The following SPDYE1 variants were observed in gnomAD, a reference collection of about 807,000 sequenced individuals.
SPDYE1 encodes the protein speedy protein E1.
A neutral mutation model predicts 45.9 loss-of-function variants in SPDYE1; 29 were observed. That is an observed-to-expected ratio of 0.63 (90% CI 0.47 to 0.86). The LOEUF is 0.86. SPDYE1 is among the 40% of genes least tolerant of loss of function. SPDYE1 has a pLI of 0.00. For synonymous variants in SPDYE1, 134 were observed against 176.8 expected, an observed-to-expected ratio of 0.76 and a Z score of 1.92; for missense variants, 346 against 481.4, an observed-to-expected ratio of 0.72 and a Z score of 2.63.
intron 5 of SPDYE1, 159 bp downstream of exon 5, chr7:44,004,070 C>T: frequency 7.8e-7 from 1 of 1,274,592 alleles, no homozygotes; most frequent in African/African-American, 1.6e-5. Flanking sequence ...GAGTCTTGCT[C>T]TGTTGCCCAG....
At chr7:44,001,718 G>A (rs2096063389) in intron 3 of SPDYE1, among the ~76,000 whole-genome samples, 1 of 152,176 alleles carries the variant, frequency 6.6e-6, no homozygotes, top group Non-Finnish European at 1.5e-5. Context: ...GGGAGGCTGA[G>A]ATGGGTGGAT....
At position 44,007,329 on chromosome 7, in the gene SPDYE1, C is replaced by G; in HGVS notation, c.814C>G (p.Leu272Val). Residue 272 changes from leucine (L) to valine (V), a missense_variant, in exon 7 of 9, where the codon CTG (leucine) becomes GTG (valine). Leu to Val is a conservative substitution (Grantham distance 32). Transcript: ENST00000693451. ...EDSKQNIFHF[L>V]YGKNRSRIPL... ...CTCCAAACAAAACATCTTCCACTTCCTGTATGGGAAGAACCGCTCTCGCAT... is the reference window on the plus strand; with the variant it reads ...CTCCAAACAAAACATCTTCCACTTCGTGTATGGGAAGAACCGCTCTCGCAT... The G allele has an allele frequency of 6.2e-7, 1 of 1,613,080 alleles. No individual in the cohort carries two copies. Among genetic ancestry groups the G allele is most frequent in the Non-Finnish European group, 8.5e-7 (1 of 1,180,042 alleles).
intron 7 of SPDYE1, 54 bp downstream of exon 7, chr7:44,007,640 G>C: frequency 1.1e-5 from 17 of 1,612,140 alleles, no homozygotes; most frequent in Non-Finnish European, 1.4e-5. Context: ...GTGGGCTGGA[G>C]GCTGGATGAG....
At position 44,009,636 on chromosome 7, in the gene SPDYE1, T is replaced by C. The variant is rs887159343; in HGVS notation, c.*1015T>C. 1.3e-5 allele frequency: 2 copies of C among 148,392 alleles called. No individual in the cohort carries two copies. The highest frequency in any genetic ancestry group is 4.9e-5 in the African/African-American group (2 of 40,644). The allele number at this position is 148,392 out of a possible 1,614,324, so 9.2% of individuals were successfully genotyped here. ...TAAATATATTTATTTATTTAAATGT[T>C]ATTATTACTTTAAATATTATTTTAA... is the stretch of plus-strand genomic sequence containing the variant. On this transcript the variant is annotated 3_prime_UTR_variant, in exon 9 of 9. Coordinates refer to ENST00000693451, the MANE Select transcript of SPDYE1 (RefSeq NM_001378423.2).
chr7:43,999,155 T>C (rs28522057), intron 1 of SPDYE1, among the ~76,000 whole-genome samples: 1 of 152,148 alleles, frequency 6.6e-6, no homozygotes, highest in African/African-American at 2.4e-5. Flanking sequence ...TTCCCTGAAA[T>C]TGGGGACACC....
At position 44,002,589 on chromosome 7, in the gene SPDYE1, G is replaced by A. The variant is rs751372158; in HGVS notation, c.380-1G>A. ...CACCGTGGCCTGGTTTCTTTACTCA[G>A]CCCCTGGGGTAGATCCCAGCCCCCC... On this transcript the variant is annotated splice_acceptor_variant, in intron 3 of 8. Transcript: ENST00000693451. LOFTEE classifies it high-confidence loss of function. 21 of 1,579,566 alleles carry A rather than the reference G, an allele frequency of 1.3e-5. No homozygotes were observed. The Admixed American group carries it at 3.7e-4, about 28-fold the overall frequency.
chr7:43,999,291 C>T (rs970597324), intron 1 of SPDYE1, among the ~76,000 whole-genome samples: 6 of 152,266 alleles, frequency 3.9e-5, no homozygotes, highest in Non-Finnish European at 7.3e-5. Flanking sequence ...TATGTACCCC[C>T]AGTACAGAAT....
Position 44,008,904 on chromosome 7 carries a change from G to C in SPDYE1, c.*283G>C, listed in dbSNP as rs1346497700. ...AAGTAAGAAACCAGGAGTGTTTCCA[G>C]TTCCACCCTTTCCTGGGGCACCACC... On this transcript the variant is annotated 3_prime_UTR_variant, in exon 9 of 9. Transcript: ENST00000693451. The C allele has an allele frequency of 1.7e-6, 1 of 573,152 alleles. No individual in the cohort carries two copies. The highest frequency in any genetic ancestry group is 3.2e-6 in the Non-Finnish European group (1 of 311,712). 35.5% of individuals were successfully genotyped at this position (573,152 alleles called of 1,614,324 possible). A position where few individuals can be genotyped will look rare whatever the true frequency, so the allele number is the denominator to read the frequency against.
rs57787316 is a variant in SPDYE1, at chr7:44,000,026, G to A, written c.77G>A (p.Arg26His). The A allele has an allele frequency of 6.1e-6, 6 of 985,276 alleles. No individual in the cohort carries two copies. Among genetic ancestry groups the A allele is most frequent in the East Asian group, 1.1e-4 (1 of 8,786 alleles). The allele number at this position is 985,276 out of a possible 1,614,324, so 61.0% of individuals were successfully genotyped here. The change falls in exon 2 of 9, where the codon CGC (arginine) becomes CAC (histidine). Residue 26 changes from arginine (R) to histidine (H), a missense_variant. This residue lies in a region of SPDYE1 where 15 missense variants were observed against 60.5 expected (regional missense o/e 0.25). Transcript: ENST00000693451. Reference protein sequence around the residue: ...GKITTSRQPHRQNEQSPQRST... With the variant: ...GKITTSRQPHHQNEQSPQRST... ...ATCACGACCAGCCGTCAACCGCACC[G>A]CCAGAATGAGCAGAGTCCCCAGCGG...
Position 44,002,724 on chromosome 7 carries a change from G to A in SPDYE1, c.514G>A (p.Ala172Thr). ...CCCTGAGCCTGAGGAGATCTGGGTG[G>A]CGGAGATGCTGTGTGGCCTCAAGAT... Reference protein sequence around the residue: ...LAPEPEEIWVAEMLCGLKMKL... With the variant: ...LAPEPEEIWVTEMLCGLKMKL... The change falls in exon 4 of 9, where the codon GCG becomes ACG. Residue 172 changes from alanine to threonine, a missense_variant. Ala to Thr is a moderately conservative substitution (Grantham distance 58). This residue lies in a region of SPDYE1 where 141 missense variants were observed against 176.7 expected (regional missense o/e 0.80). Transcript: ENST00000693451. 1.9e-6 allele frequency: 3 copies of A among 1,592,504 alleles called. No individual in the cohort carries two copies. Among genetic ancestry groups the A allele is most frequent in the Non-Finnish European group, 2.5e-6 (3 of 1,178,182 alleles).
rs1317180201 is a variant in SPDYE1, at chr7:44,009,297, CTAAA to C, written c.*679_*682del. 2 of 150,034 alleles carry C rather than the reference CTAAA, an allele frequency of 1.3e-5. No homozygotes were observed. The highest frequency in any genetic ancestry group is 2.9e-5 in the Non-Finnish European group (2 of 68,534). 9.3% of individuals were successfully genotyped at this position (150,034 alleles called of 1,614,324 possible). The stretch of plus-strand genomic sequence containing the variant: ...CATTTTTGAGACAATTCTTTTTATC[CTAAA>C]TATTTTATCATCTTTAAATTTGTTT... On this transcript the variant is annotated 3_prime_UTR_variant, in exon 9 of 9. Transcript: ENST00000693451.
chr7:44,004,237 G>C, intron 5 of SPDYE1: 1 of 438,726 alleles, frequency 2.3e-6, no homozygotes, highest in East Asian at 4.7e-5. Flanking sequence ...GTTTTGCCAT[G>C]TTGGCCAGGT....
rs199510756 is a variant in SPDYE1, at chr7:44,000,124, G to A, written c.160+15G>A. On this transcript the variant is annotated intron_variant, in intron 2 of 8. Transcript: ENST00000693451. ...GGGACCATCAGGTGAGGGGACTGGT[G>A]GAAGAAGAGGTGGGATAGGATTGAC... is the stretch of plus-strand genomic sequence containing the variant. 125 of 984,466 alleles carry A rather than the reference G, an allele frequency of 1.3e-4. No individual in the cohort carries two copies. The South Asian group carries it at 4.3e-3, about 34-fold the overall frequency. 61.0% of individuals were successfully genotyped at this position (984,466 alleles called of 1,614,324 possible). A position where few individuals can be genotyped will look rare whatever the true frequency, so the allele number is the denominator to read the frequency against.
chr7:44,006,716 A>G (rs2128779093), intron 6 of SPDYE1, among the ~76,000 whole-genome samples: 1 of 152,250 alleles, frequency 6.6e-6, no homozygotes, highest in Non-Finnish European at 1.5e-5. Flanking sequence ...CTGGGTTCAC[A>G]CAATTCTTAT....
rs148209821 is a variant in SPDYE1 at position 44,007,429 on chromosome 7, T to C, written c.914T>C (p.Ile305Thr). Residue 305 changes from isoleucine to threonine, a missense_variant, in exon 7 of 9, where the codon ATA (isoleucine) becomes ACA (threonine). Physicochemically the swap from Ile to Thr is moderately conservative, Grantham distance 89 (BLOSUM62 -1). Around this residue, in one of 4 missense-constraint regions of SPDYE1, gnomAD observed 186 missense variants for 219.1 expected, o/e 0.85. Transcript: ENST00000693451. Reference sequence around the variant, plus strand: ...AGGGCCAGGAAGAACCGCTCTCACATACCCTTGGTCCGTAAGCGTCGGTTC... The same window carrying C: ...AGGGCCAGGAAGAACCGCTCTCACACACCCTTGGTCCGTAAGCGTCGGTTC... ...NPRARKNRSH[I>T]PLVRKRRFQL... The C allele has an allele frequency of 2.3e-4, 368 of 1,612,108 alleles. No individual in the cohort carries two copies. The highest frequency in any genetic ancestry group is 3.0e-4 in the Non-Finnish European group (358 of 1,179,244).
chr7:44,008,830 G>A lies in SPDYE1; in HGVS notation c.*209G>A. ...CAGTGATCACGTTGTCCTCCTAGGA[G>A]CAGGGGTGGGGGGAGGGGGATGGGG... On this transcript the variant is annotated 3_prime_UTR_variant, in exon 9 of 9. Transcript: ENST00000693451. 4.1e-6 allele frequency: 2 copies of A among 492,366 alleles called. No individual in the cohort carries two copies. The highest frequency in any genetic ancestry group is 1.4e-5 in the South Asian group (1 of 69,324). The allele number at this position is 492,366 out of a possible 1,614,324, so 30.5% of individuals were successfully genotyped here. A position where few individuals can be genotyped will look rare whatever the true frequency, so the allele number is the denominator to read the frequency against.
chr7:44,004,935 C>G, intron 5 of SPDYE1: 1 of 654,468 alleles, frequency 1.5e-6, no homozygotes, highest in Admixed American at 2.2e-5. Flanking sequence ...GGGAGCATCA[C>G]CCAAAACCCT....
At chr7:43,998,692 C>T (rs1161099265) in intron 1 of SPDYE1, among the ~76,000 whole-genome samples, 4 of 130,420 alleles carry the variant, frequency 3.1e-5, no homozygotes, top group African/African-American at 1.2e-4. Context: ...AATTTTTTGA[C>T]ACAGTATCTT....
intron 2 of SPDYE1, among the ~76,000 whole-genome samples, chr7:44,000,395 G>A (rs1390811466): frequency 6.7e-6 from 1 of 150,080 alleles, no homozygotes; most frequent in Non-Finnish European, 1.5e-5. Context: ...GTTGCAGTGA[G>A]CTGAGATCAC....
Sources: gnomAD v4.1 joint callset for allele counts (sites outside exome capture counted in the v4.1 genomes callset) on GRCh38, gnomAD v4.1.1 for gene constraint, gnomAD v4.1.1 regional missense constraint, MANE v1.5 for transcripts, NCBI Gene and HGNC (gene_info 2026-07-23, HGNC 2026-07-21) for gene names.